The following SMAD2 variants were observed in gnomAD, a reference collection of about 807,000 sequenced individuals.
SMAD2 encodes SMAD family member 2, also known as MAD homolog 2.
SMAD2 carries 8 observed loss-of-function variants against 64.4 expected under a neutral mutation model. That is an observed-to-expected ratio of 0.12 (90% CI 0.07 to 0.22). SMAD2 has a LOEUF of 0.22. SMAD2 is among the 10% of genes least tolerant of loss of function. The pLI is 1.00. For missense variants in SMAD2, 289 were observed against 561.2 expected, an observed-to-expected ratio of 0.51 and a Z score of 4.90; for synonymous variants, 203 against 195.8, an observed-to-expected ratio of 1.04 and a Z score of -0.31.
Position 47,817,662 on chromosome 18 carries a change from T to A in SMAD2, c.*24165A>T, listed in dbSNP as rs1376947204. 6.6e-6 allele frequency: 1 copy of A among 152,238 alleles called. No individual in the cohort carries two copies. The highest frequency in any genetic ancestry group is 1.5e-5 in the Non-Finnish European group (1 of 68,052). 9.4% of individuals were successfully genotyped at this position (152,238 alleles called of 1,614,324 possible). ...AATTTACTTTGGGTTCTTCTGTGTTTATATTATTTTTTAATCTGCATGACT... is the reference window on the plus strand; with the variant it reads ...AATTTACTTTGGGTTCTTCTGTGTTAATATTATTTTTTAATCTGCATGACT... On this transcript the variant is annotated 3_prime_UTR_variant, in exon 11 of 11. Coordinates refer to ENST00000262160, the MANE Select transcript of SMAD2 (RefSeq NM_005901.6).
chr18:47,858,410 G>A (rs1459285600), intron 6 of SMAD2, among the ~76,000 whole-genome samples: 1 of 152,036 alleles, frequency 6.6e-6, no homozygotes, highest in Non-Finnish European at 1.5e-5. Flanking sequence ...TCTGCAAAAT[G>A]GTGCTAAAAC....
intron 2 of SMAD2, among the ~76,000 whole-genome samples, chr18:47,888,420 T>C (rs914219364): frequency 3.3e-5 from 5 of 152,160 alleles, no homozygotes; most frequent in African/African-American, 1.2e-4. Context: ...CACATGAGTA[T>C]TCCCCCTCAA....
intron 1 of SMAD2, among the ~76,000 whole-genome samples, chr18:47,901,673 G>A (rs557033185): frequency 6.6e-6 from 1 of 152,076 alleles, no homozygotes; most frequent in African/African-American, 2.4e-5. Flanking sequence ...CCTCTATAAT[G>A]CCAGAATCAT....
In SMAD2 at chr18:47,880,988, C is replaced by T. The variant is rs561132275; in HGVS notation, c.237-10424G>A. ...CACTCTCCAATAGTTGTGATTCTCC[C>T]AAGTCTTACCTATGGTGCTTCAAGG... is the stretch of plus-strand genomic sequence containing the variant. On this transcript the variant is annotated intron_variant, in intron 2 of 10. Transcript: ENST00000262160. Among the ~76,000 whole-genome samples the T allele has an allele frequency of 4.6e-5, 7 of 152,236 alleles. No individual in the cohort carries two copies. The South Asian group carries it at 1.5e-3, about 32-fold the overall frequency.
In SMAD2 at chr18:47,835,020, A is replaced by AT; in HGVS notation, c.*6806dup. The stretch of plus-strand genomic sequence containing the variant: ...GAAAGGAATATTCTCAGATATGAAC[A>AT]TTTTTTATTCTGCCTACAATGCTGT... On this transcript the variant is annotated 3_prime_UTR_variant, in exon 11 of 11. Coordinates refer to ENST00000262160, the MANE Select transcript of SMAD2 (RefSeq NM_005901.6). 9.0e-6 allele frequency: 2 copies of AT among 221,318 alleles called. No homozygotes were observed. Among genetic ancestry groups the AT allele is most frequent in the Non-Finnish European group, 1.8e-5 (2 of 110,554 alleles). 13.7% of individuals were successfully genotyped at this position (221,318 alleles called of 1,614,324 possible). A position where few individuals can be genotyped will look rare whatever the true frequency, so the allele number is the denominator to read the frequency against.
At chr18:47,917,507 T>G (rs996506735) in intron 1 of SMAD2, among the ~76,000 whole-genome samples, 14 of 152,178 alleles carry the variant, frequency 9.2e-5, no homozygotes, top group African/African-American at 3.4e-4. Context: ...TATTTTGTGT[T>G]TTCTAATACC....
At chr18:47,910,509 T>C (rs2034086273) in intron 1 of SMAD2, among the ~76,000 whole-genome samples, 1 of 152,152 alleles carries the variant, frequency 6.6e-6, no homozygotes, top group African/African-American at 2.4e-5. Context: ...AGAAACATTT[T>C]TGGAGAAATG....
At chr18:47,860,421 G>A (rs1273430906) in intron 6 of SMAD2, among the ~76,000 whole-genome samples, 1 of 151,438 alleles carries the variant, frequency 6.6e-6, no homozygotes, top group Non-Finnish European at 1.5e-5. Flanking sequence ...ACAGGTGAAT[G>A]CCACTACCCC....
intron 6 of SMAD2, among the ~76,000 whole-genome samples, chr18:47,864,454 TA>T (rs2031412245): frequency 6.6e-6 from 1 of 152,188 alleles, no homozygotes; most frequent in Non-Finnish European, 1.5e-5. Context: ...TACAGACAGG[TA>T]AAATGAATCA....
Position 47,837,487 on chromosome 18 carries a change from G to A in SMAD2, c.*4340C>T, listed in dbSNP as rs547283367. ...TGAGGCAGAAGCATGGCGTGAACCCGGGAGGCGGAGCTTGCAGTGAACCAA... is the reference window on the plus strand; with the variant it reads ...TGAGGCAGAAGCATGGCGTGAACCCAGGAGGCGGAGCTTGCAGTGAACCAA... On this transcript the variant is annotated 3_prime_UTR_variant, in exon 11 of 11. Transcript: ENST00000262160. 225 of 217,640 alleles carry A rather than the reference G, an allele frequency of 1.0e-3. No homozygotes were observed. Among genetic ancestry groups the A allele is most frequent in the African/African-American group, 4.1e-3 (184 of 44,346 alleles). 13.5% of individuals were successfully genotyped at this position (217,640 alleles called of 1,614,324 possible).
chr18:47,857,136 T>A (rs1229474531), intron 6 of SMAD2, among the ~76,000 whole-genome samples: 2 of 152,216 alleles, frequency 1.3e-5, no homozygotes, highest in African/African-American at 4.8e-5. Flanking sequence ...ATGCTAATTT[T>A]TTATAATGAA....
chr18:47,818,002 T>C lies in SMAD2; in HGVS notation c.*23825A>G, dbSNP rs1255257931. The C allele has an allele frequency of 6.6e-6, 1 of 152,242 alleles. No individual in the cohort carries two copies. Among genetic ancestry groups the C allele is most frequent in the Non-Finnish European group, 1.5e-5 (1 of 68,036 alleles). The allele number at this position is 152,242 out of a possible 1,614,324, so 9.4% of individuals were successfully genotyped here. On this transcript the variant is annotated 3_prime_UTR_variant, in exon 11 of 11. Transcript: ENST00000262160. ...CTTTTCTGGGACTTCAGGTCAGCTA[T>C]GTGGCTTTTCCTCATGCATGTTTTT...
At chr18:47,845,943 C>G (rs1023757448) in intron 8 of SMAD2, 143 bp from the exon 9 acceptor site, 1 of 727,314 alleles carries the variant, frequency 1.4e-6, no homozygotes, top group African/African-American at 1.8e-5. Flanking sequence ...TGAAGTCTAA[C>G]TTTAAATATA....
intron 6 of SMAD2, among the ~76,000 whole-genome samples, chr18:47,854,211 T>G (rs1005779317): frequency 4.6e-5 from 7 of 152,142 alleles, no homozygotes; most frequent in African/African-American, 1.7e-4. Context: ...AATATCCTAT[T>G]TGAGATCCAG....
rs1023645995 is a variant in SMAD2, at chr18:47,833,464, G to C, written c.*8363C>G. 2.2e-5 allele frequency: 5 copies of C among 228,514 alleles called. No individual in the cohort carries two copies. Among genetic ancestry groups the C allele is most frequent in the African/African-American group, 1.1e-4 (5 of 45,014 alleles). 14.2% of individuals were successfully genotyped at this position (228,514 alleles called of 1,614,324 possible). On this transcript the variant is annotated 3_prime_UTR_variant, in exon 11 of 11. Coordinates refer to ENST00000262160, the MANE Select transcript of SMAD2 (RefSeq NM_005901.6). ...CAATCATAGAACGAAAGCTCACAAA[G>C]AACACATTTAATATCTCCATCACAG... is the stretch of plus-strand genomic sequence containing the variant.
rs1305158017 is a variant in SMAD2 at position 47,827,412 on chromosome 18, CA to C, written c.*14414del. The C allele has an allele frequency of 6.6e-6, 1 of 152,168 alleles. No individual in the cohort carries two copies. Among genetic ancestry groups the C allele is most frequent in the African/African-American group, 2.4e-5 (1 of 41,422 alleles). 9.4% of individuals were successfully genotyped at this position (152,168 alleles called of 1,614,324 possible). A position where few individuals can be genotyped will look rare whatever the true frequency, so the allele number is the denominator to read the frequency against. ...TCACTATGTAAATTGTGAATTAAGA[CA>C]TTATTACTTGGTGGCAATAACGGTT... On this transcript the variant is annotated 3_prime_UTR_variant, in exon 11 of 11. Coordinates refer to ENST00000262160, the MANE Select transcript of SMAD2 (RefSeq NM_005901.6).
rs1275031024 is a variant in SMAD2, at chr18:47,822,000, G to A, written c.*19827C>T. The A allele has an allele frequency of 6.6e-6, 1 of 152,172 alleles. No individual in the cohort carries two copies. Among genetic ancestry groups the A allele is most frequent in the African/African-American group, 2.4e-5 (1 of 41,448 alleles). The allele number at this position is 152,172 out of a possible 1,614,324, so 9.4% of individuals were successfully genotyped here. A position where few individuals can be genotyped will look rare whatever the true frequency, so the allele number is the denominator to read the frequency against. On this transcript the variant is annotated 3_prime_UTR_variant, in exon 11 of 11. Transcript: ENST00000262160. ...CCACTTGGGCCTCTGGAAAGCCTCA[G>A]AGCATGTGTATGCCATCTGGTAGAG...
chr18:47,909,682 G>A (rs1598879716), intron 1 of SMAD2, among the ~76,000 whole-genome samples: 2 of 152,256 alleles, frequency 1.3e-5, no homozygotes, highest in East Asian at 1.9e-4. Flanking sequence ...AACACCGGCT[G>A]CCACAACAAA....
intron 1 of SMAD2, among the ~76,000 whole-genome samples, chr18:47,925,637 T>A (rs1047346108): frequency 1.3e-5 from 2 of 152,126 alleles, no homozygotes; most frequent in Non-Finnish European, 2.9e-5. Flanking sequence ...CCTGAAAAAA[T>A]GATCAAAATT....
Sources: allele counts gnomAD v4.1 joint callset (sites outside exome capture counted in the v4.1 genomes callset), GRCh38; gene constraint gnomAD v4.1.1; transcripts MANE v1.5; gene names NCBI Gene and HGNC (gene_info 2026-07-23, HGNC 2026-07-21).